Variants in SYT14 observed in about 807,000 individuals in gnomAD.
The protein encoded by SYT14 is synaptotagmin-14.
In SYT14, 32 loss-of-function variants were observed where a neutral mutation model predicts 74.2. The observed-to-expected ratio is 0.43, with a 90% confidence interval of 0.33 to 0.58. SYT14 has a LOEUF of 0.58. Among genes scored for constraint, SYT14 ranks in the 20% least tolerant of loss-of-function variants. SYT14 has a pLI of 0.05. For missense variants in SYT14, 791 were observed against 981.8 expected, an observed-to-expected ratio of 0.81 and a Z score of 2.60; for synonymous variants, 298 against 337.7, an observed-to-expected ratio of 0.88 and a Z score of 1.29.
intron 7 of SYT14, among the ~76,000 whole-genome samples, chr1:210,120,539 T>C (rs1490673734): frequency 6.6e-6 from 1 of 152,130 alleles, no homozygotes; most frequent in Admixed American, 6.6e-5. Flanking sequence ...TGTGTTACAG[T>C]TGCCTACAGT....
At chr1:209,994,410 T>C (rs1420884443) in intron 2 of SYT14, among the ~76,000 whole-genome samples, 1 of 152,126 alleles carries the variant, frequency 6.6e-6, no homozygotes. Context: ...TTGAAGATTG[T>C]TTCTTCAAGG....
chr1:210,024,578 CA>C (rs71571925), intron 5 of SYT14, among the ~76,000 whole-genome samples: 34,329 of 151,992 alleles, frequency 0.23, 4,147 homozygotes, highest in Middle Eastern at 0.3. Context: ...AGTGATTTTA[CA>C]TATGTGATGA....
exon 7 of SYT14, chr1:210,100,119 A>G: frequency 6.2e-7 from 1 of 1,614,114 alleles, no homozygotes; most frequent in Non-Finnish European, 8.5e-7. Flanking sequence ...ACTCACAAGA[A>G]CAGAAGCTTC....
chr1:209,952,229 C>T (rs1190812455), intron 1 of SYT14, among the ~76,000 whole-genome samples: 6 of 152,108 alleles, frequency 3.9e-5, no homozygotes, highest in African/African-American at 1.4e-4. Context: ...TTGTTTTTAT[C>T]ATACTATTAA....
intron 7 of SYT14, among the ~76,000 whole-genome samples, chr1:210,151,613 C>T (rs1053164309): frequency 5.3e-5 from 8 of 149,858 alleles, no homozygotes; most frequent in African/African-American, 2.0e-4. Context: ...ACTCTACCAA[C>T]ATTGAATTGA....
At chr1:209,991,118 CA>C (rs570565110) in intron 2 of SYT14, among the ~76,000 whole-genome samples, 1 of 152,052 alleles carries the variant, frequency 6.6e-6, no homozygotes, top group African/African-American at 2.4e-5. Context: ...TCACCACATA[CA>C]AAAAATAACT....
chr1:210,142,729 C>G (rs1291208873), intron 7 of SYT14, among the ~76,000 whole-genome samples: 1 of 152,100 alleles, frequency 6.6e-6, no homozygotes, highest in East Asian at 1.9e-4. Context: ...GCATAGGAGA[C>G]CTCTCCTGTG....
chr1:210,019,153 AAG>A (rs1553266804), intron 4 of SYT14, among the ~76,000 whole-genome samples: 4 of 151,284 alleles, frequency 2.6e-5, no homozygotes, highest in African/African-American at 7.3e-5. Flanking sequence ...AAAAAAAAAA[AAG>A]GAGAAAGGGT....
chr1:209,950,563 A>G (rs115411358), intron 1 of SYT14, among the ~76,000 whole-genome samples: 2 of 152,176 alleles, frequency 1.3e-5, no homozygotes, highest in Non-Finnish European at 2.9e-5. Flanking sequence ...TCTTCTTGCA[A>G]AGCCTATCTT....
intron 2 of SYT14, among the ~76,000 whole-genome samples, chr1:209,963,813 T>C (rs1462130558): frequency 6.6e-6 from 1 of 152,224 alleles, no homozygotes. Context: ...CATCTCTAAT[T>C]ACTGTAAAAT....
intron 2 of SYT14, among the ~76,000 whole-genome samples, chr1:209,961,766 A>AT (rs935638706): frequency 4.0e-5 from 6 of 151,816 alleles, no homozygotes; most frequent in Non-Finnish European, 8.8e-5. Flanking sequence ...GCATGACCTG[A>AT]TTTTTTCTAT....
chr1:209,947,425 C>A (rs1572051753), intron 1 of SYT14, among the ~76,000 whole-genome samples: 1 of 152,100 alleles, frequency 6.6e-6, no homozygotes, highest in African/African-American at 2.4e-5. Context: ...AAGTTGATTC[C>A]AACTATCATG....
At chr1:210,026,968 A>G (rs2080426906) in intron 5 of SYT14, among the ~76,000 whole-genome samples, 1 of 152,132 alleles carries the variant, frequency 6.6e-6, no homozygotes, top group South Asian at 2.1e-4. Flanking sequence ...AGTTAGGTAT[A>G]TTACATTTGA....
intron 6 of SYT14, among the ~76,000 whole-genome samples, chr1:210,096,575 A>G (rs2081970417): frequency 6.6e-6 from 1 of 152,180 alleles, no homozygotes; most frequent in African/African-American, 2.4e-5. Flanking sequence ...CTTCTTTTCC[A>G]TCAGCATTCC....
At chr1:210,125,383 A>G (rs976727954) in intron 7 of SYT14, among the ~76,000 whole-genome samples, 15 of 152,214 alleles carry the variant, frequency 9.9e-5, no homozygotes, top group Non-Finnish European at 2.2e-4. Context: ...TGCAAAGGAT[A>G]TGATTTCATT....
intron 5 of SYT14, among the ~76,000 whole-genome samples, chr1:210,087,510 C>T (rs12751320): frequency 6.6e-6 from 1 of 152,172 alleles, no homozygotes; most frequent in African/African-American, 2.4e-5. Flanking sequence ...GGCCAGGCTG[C>T]CCTCCCATGG....
chr1:210,160,741 A>G, exon 10 of SYT14: 5 of 1,613,744 alleles, frequency 3.1e-6, no homozygotes, highest in Non-Finnish European at 4.2e-6. Context: ...ACATATGTTA[A>G]GTTAACTCTA....
chr1:210,053,935 CATT>C (rs2081048485), intron 5 of SYT14, among the ~76,000 whole-genome samples: 1 of 152,152 alleles, frequency 6.6e-6, no homozygotes, highest in Non-Finnish European at 1.5e-5. Context: ...AGATGCTGCA[CATT>C]TGAAAATCTC....
intron 7 of SYT14, among the ~76,000 whole-genome samples, chr1:210,146,071 C>T (rs2083026757): frequency 6.6e-6 from 1 of 152,170 alleles, no homozygotes; most frequent in Non-Finnish European, 1.5e-5. Flanking sequence ...GGCATGGTGG[C>T]TCACATCTGT....
Sources: gnomAD v4.1 joint callset for allele counts (sites outside exome capture counted in the v4.1 genomes callset) on GRCh38, gnomAD v4.1.1 for gene constraint, MANE v1.5 for transcripts, NCBI Gene and HGNC (gene_info 2026-07-23, HGNC 2026-07-21) for gene names.